TMEM43: variants seen among roughly 807,000 people sequenced by gnomAD.
TMEM43 encodes arrhythmogenic right ventricular dysplasia 5.
A neutral mutation model predicts 49.6 loss-of-function variants in TMEM43; 45 were observed. That is an observed-to-expected ratio of 0.91 (90% CI 0.71 to 1.16). TMEM43 has a LOEUF of 1.16. Among genes scored for constraint, TMEM43 ranks in the 50% most tolerant of loss-of-function variants. TMEM43 has a pLI of 0.00. For missense variants in TMEM43, 532 were observed against 516.6 expected, an observed-to-expected ratio of 1.03 and a Z score of -0.29; for synonymous variants, 199 against 207.8, an observed-to-expected ratio of 0.96 and a Z score of 0.36.
intron 8 of TMEM43, 110 bp from the exon 9 acceptor site, chr3:14,135,048 C>T (rs746101564): frequency 1.3e-4 from 193 of 1,477,066 alleles, no homozygotes; most frequent in Non-Finnish European, 1.6e-4. Context: ...AGCCTGGGCA[C>T]GGGTGTGGAG....
intron 1 of TMEM43, among the ~76,000 whole-genome samples, chr3:14,125,656 C>G (rs1695009531): frequency 6.6e-6 from 1 of 152,198 alleles, no homozygotes; most frequent in Non-Finnish European, 1.5e-5. Flanking sequence ...ACAGACAGGG[C>G]TGTCCAGGCG....
chr3:14,125,274 C>T, intron 1 of TMEM43, 69 bp downstream of exon 1: 2 of 1,547,722 alleles, frequency 1.3e-6, no homozygotes, highest in Non-Finnish European at 1.7e-6. Context: ...TCCCCGGGGT[C>T]CTCTAGGTCC....
At chr3:14,128,889 T>C (rs760555243) in intron 1 of TMEM43, 7 of 450,836 alleles carry the variant, frequency 1.6e-5, no homozygotes, top group South Asian at 1.1e-4. Flanking sequence ...ACCCATCCAC[T>C]GACGAATGAT....
chr3:14,141,801 C>T lies in TMEM43; in HGVS notation c.*6C>T. ...CAGCCAAAAAGTTGGAGTGAAAAGA[C>T]CCTGGCACCCGCCCGACACCTGCGT... On this transcript the variant is annotated 3_prime_UTR_variant, in exon 12 of 12. Coordinates refer to ENST00000306077, the MANE Select transcript of TMEM43 (RefSeq NM_024334.3). 6.2e-7 allele frequency: 1 copy of T among 1,611,636 alleles called. No homozygotes were observed. Among genetic ancestry groups the T allele is most frequent in the Middle Eastern group, 1.9e-4 (1 of 5,222 alleles).
intron 10 of TMEM43, among the ~76,000 whole-genome samples, chr3:14,136,520 T>G (rs1254536416): frequency 6.6e-6 from 1 of 152,110 alleles, no homozygotes; most frequent in African/African-American, 2.4e-5. Context: ...AGAACATCCG[T>G]TTCTGCAGTG....
intron 7 of TMEM43, among the ~76,000 whole-genome samples, chr3:14,134,563 G>A (rs544067231): frequency 6.6e-6 from 1 of 152,330 alleles, no homozygotes; most frequent in African/African-American, 2.4e-5. Context: ...CTGACTTGGT[G>A]GGAGAGGGCA....
chr3:14,133,179 G>C (rs1217454965), intron 6 of TMEM43, among the ~76,000 whole-genome samples: 1 of 152,234 alleles, frequency 6.6e-6, no homozygotes, highest in Non-Finnish European at 1.5e-5. Flanking sequence ...CGTCTAAGGG[G>C]ATTTGCACAC....
intron 2 of TMEM43, 69 bp downstream of exon 2, chr3:14,129,630 C>A: frequency 6.4e-7 from 1 of 1,572,288 alleles, no homozygotes; most frequent in Admixed American, 1.7e-5. Flanking sequence ...AGGCGATGAA[C>A]CCGGAGGCTG....
intron 1 of TMEM43, 133 bp from the exon 2 acceptor site, chr3:14,129,279 G>T: frequency 1.5e-6 from 1 of 659,834 alleles, no homozygotes; most frequent in Non-Finnish European, 2.3e-6. Context: ...TTGAATATCT[G>T]TGTGTTTTTA....
chr3:14,131,669 G>A lies in TMEM43; in HGVS notation c.387G>A (p.Glu129=). ...TGTACCAATGGGTAGAAACTGAGGAGTCCAGGTGAGCTGTTGGGGTGAAAA... is the reference window on the plus strand; with the variant it reads ...TGTACCAATGGGTAGAAACTGAGGAATCCAGGTGAGCTGTTGGGGTGAAAA... ...VEMYQWVETE[E]SREYTEDGQV... The change falls in exon 4 of 12, where the codon GAG becomes GAA. Residue 129 remains glutamate, a synonymous_variant. Transcript: ENST00000306077. The A allele has an allele frequency of 6.2e-7, 1 of 1,613,232 alleles. No individual in the cohort carries two copies. The highest frequency in any genetic ancestry group is 1.3e-5 in the African/African-American group (1 of 75,042).
At chr3:14,139,122 C>A in intron 10 of TMEM43, 58 bp from the exon 11 acceptor site, 5 of 1,300,480 alleles carry the variant, frequency 3.8e-6, no homozygotes, top group Non-Finnish European at 5.6e-6. Context: ...ACCTGCCCTG[C>A]CGACTGGGTA....
At chr3:14,133,952 G>A (rs1695134570) in intron 7 of TMEM43, 143 bp downstream of exon 7, 2 of 820,074 alleles carry the variant, frequency 2.4e-6, no homozygotes, top group African/African-American at 1.7e-5. Flanking sequence ...TGGGGGCCAG[G>A]GGAAGGCGAA....
At position 14,141,759 on chromosome 3, in the gene TMEM43, T is replaced by G. The variant is rs1695251041; in HGVS notation, c.1167T>G (p.Val389=). ...GCCTGGCCCTTGTGCCCATCCTTGT[T>G]GCTCGGACACGGGTGCCAGCCAAAA... The part of the protein sequence containing the change: ...IAGLALVPIL[V]ARTRVPAKKL... Residue 389 remains valine, a synonymous_variant, in exon 12 of 12, where the codon GTT becomes GTG. Transcript: ENST00000306077. 6.2e-7 allele frequency: 1 copy of G among 1,614,076 alleles called. No individual in the cohort carries two copies. The highest frequency in any genetic ancestry group is 2.2e-5 in the East Asian group (1 of 44,880).
At position 14,141,762 on chromosome 3, in the gene TMEM43, T is replaced by G; in HGVS notation, c.1170T>G (p.Ala390=). ...AGLALVPILV[A]RTRVPAKKLE ...TGGCCCTTGTGCCCATCCTTGTTGCTCGGACACGGGTGCCAGCCAAAAAGT... is the reference window on the plus strand; with the variant it reads ...TGGCCCTTGTGCCCATCCTTGTTGCGCGGACACGGGTGCCAGCCAAAAAGT... Residue 390 remains alanine, a synonymous_variant, in exon 12 of 12, where the codon GCT becomes GCG. Coordinates refer to ENST00000306077, the MANE Select transcript of TMEM43 (RefSeq NM_024334.3). 1 of 1,613,970 alleles carries G rather than the reference T, an allele frequency of 6.2e-7. No homozygotes were observed. Among genetic ancestry groups the G allele is most frequent in the Non-Finnish European group, 8.5e-7 (1 of 1,180,012 alleles).
Position 14,142,093 on chromosome 3 carries a change from C to T in TMEM43, c.*298C>T. Reference sequence around the variant, plus strand: ...CTCTCTTGGACTGAGTGGGTACGGCCAGCCACTCAGCCCATTGGCAGCTGA... The same window carrying T: ...CTCTCTTGGACTGAGTGGGTACGGCTAGCCACTCAGCCCATTGGCAGCTGA... On this transcript the variant is annotated 3_prime_UTR_variant, in exon 12 of 12. Transcript: ENST00000306077. The T allele has an allele frequency of 2.2e-6, 1 of 449,182 alleles. No individual in the cohort carries two copies. Among genetic ancestry groups the T allele is most frequent in the Non-Finnish European group, 4.1e-6 (1 of 242,788 alleles). The allele number at this position is 449,182 out of a possible 1,614,324, so 27.8% of individuals were successfully genotyped here.
intron 11 of TMEM43, 40 bp from the exon 12 acceptor site, chr3:14,141,553 T>C: frequency 6.4e-7 from 1 of 1,570,254 alleles, no homozygotes; most frequent in Non-Finnish European, 8.8e-7. Context: ...TGGTGAGGTG[T>C]AGAGCAGGTG....
chr3:14,132,444 C>A, intron 4 of TMEM43, 102 bp from the exon 5 acceptor site: 1 of 1,244,108 alleles, frequency 8.0e-7, no homozygotes. Flanking sequence ...TCTGGGGAGT[C>A]TGATCTGGTA....
intron 4 of TMEM43, 151 bp from the exon 5 acceptor site, chr3:14,132,395 C>A: frequency 1.3e-6 from 1 of 757,450 alleles, no homozygotes; most frequent in Non-Finnish European, 2.3e-6. Context: ...GGAGTGAGTG[C>A]CCTGTCTTGG....
chr3:14,130,866 G>A lies in TMEM43; in HGVS notation c.207G>A (p.Ser69=), dbSNP rs886058030. 3.7e-6 allele frequency: 6 copies of A among 1,613,812 alleles called. No individual in the cohort carries two copies. The highest frequency in any genetic ancestry group is 1.7e-5 in the Admixed American group (1 of 59,970). Reference sequence around the variant, plus strand: ...CAACCTCATTGGCTGAGGGGCTCTCGCTTGTGGTGTCTCCCGACAGCATCC... The same window carrying A: ...CAACCTCATTGGCTGAGGGGCTCTCACTTGTGGTGTCTCCCGACAGCATCC... The part of the protein sequence containing the change: ...KTATSLAEGL[S]LVVSPDSIHS... Residue 69 remains serine, a synonymous_variant, in exon 3 of 12, where the codon TCG becomes TCA. Coordinates refer to ENST00000306077, the MANE Select transcript of TMEM43 (RefSeq NM_024334.3).
Sources: gnomAD v4.1 joint callset for allele counts (sites outside exome capture counted in the v4.1 genomes callset) on GRCh38, gnomAD v4.1.1 for gene constraint, MANE v1.5 for transcripts, NCBI Gene and HGNC (gene_info 2026-07-23, HGNC 2026-07-21) for gene names.